Variants in KCNH6 observed in about 807,000 individuals in gnomAD.
The protein encoded by KCNH6 is voltage-gated inwardly rectifying potassium channel KCNH6.
Under a neutral mutation model 83.4 loss-of-function variants are expected in KCNH6, and 81 were observed. The observed-to-expected ratio is 0.97, with a 90% CI of 0.81 to 1.17. The LOEUF (loss-of-function observed/expected upper bound fraction) is 1.17, where lower values mean the gene tolerates loss of function less well. KCNH6 is among the 50% of genes most tolerant of loss of function. KCNH6 has a pLI of 0.00. For synonymous variants in KCNH6, 503 were observed against 545.6 expected (o/e 0.92, Z 1.09); for missense variants, 1,203 against 1,290.5 (o/e 0.93, Z 1.04).
chr17:63,535,602 A>G lies in KCNH6; in HGVS notation c.1102-67A>G, dbSNP rs2032427888. 24 of 1,463,036 alleles carry G rather than the reference A, an allele frequency of 1.6e-5. No homozygotes were observed. The highest frequency in any genetic ancestry group is 2.2e-5 in the Non-Finnish European group (24 of 1,082,610). The allele number at this position is 1,463,036 out of a possible 1,614,324, so 90.6% of individuals were successfully genotyped here. ...TGTGGTTGTATGCATGAGTGAACAA[A>G]AGCAGGCCTGACTGCACCCTTCCAA... On this transcript the variant is annotated intron_variant, in intron 5 of 12. Coordinates refer to ENST00000314672, the MANE Select transcript of KCNH6 (RefSeq NM_001278919.2). This position sits in a 1 kb window ranked among gnomAD's most constrained non-coding sequence, Gnocchi z 4.9.
At chr17:63,527,794 TG>T (rs2031816380) in intron 2 of KCNH6, among the ~76,000 whole-genome samples, 1 of 152,096 alleles carries the variant, frequency 6.6e-6, no homozygotes, top group South Asian at 2.1e-4. Context: ...AAGGACAACC[TG>T]GGGCAGGGGG....
In KCNH6 at chr17:63,530,241, T is replaced by A. The variant is rs143858835; in HGVS notation, c.458T>A (p.Phe153Tyr). 6.1e-5 allele frequency: 99 copies of A among 1,613,924 alleles called. No homozygotes were observed. The highest frequency in any genetic ancestry group is 5.6e-5 in the Non-Finnish European group (66 of 1,179,932). ...TCCCAGCGCCTGTTGTCCCAGAGCT[T>A]CCTGGGCTCCGGTGAGGCAGAGTGA... ...SLSQRLLSQS[F>Y]LGSEGSHGRP... Residue 153 changes from phenylalanine (F) to tyrosine (Y), a missense_variant, in exon 3 of 13, where the codon TTC becomes TAC. Transcript: ENST00000314672.
intron 10 of KCNH6, 125 bp from the exon 11 acceptor site, chr17:63,544,124 G>A (rs1347983391): frequency 6.2e-7 from 1 of 1,605,992 alleles, no homozygotes; most frequent in South Asian, 1.1e-5. Flanking sequence ...ACCCAGGTAA[G>A]GAGAGCCACT....
intron 2 of KCNH6, among the ~76,000 whole-genome samples, chr17:63,529,809 G>C (rs144511639): frequency 1.2e-3 from 189 of 152,314 alleles, no homozygotes; most frequent in African/African-American, 4.4e-3. Context: ...AGACCTCGAG[G>C]TTAAGCTCTG....
rs1268329878 is a variant in KCNH6 at position 63,535,419 on chromosome 17, C to CTGACCTGCTCCTGCAGACT, written c.1102-244_1102-243insGCTCCTGCAGACTTGACCT. Among the ~76,000 whole-genome samples, 1 of 152,238 alleles carries CTGACCTGCTCCTGCAGACT rather than the reference C, an allele frequency of 6.6e-6. No individual in the cohort carries two copies. Among genetic ancestry groups the CTGACCTGCTCCTGCAGACT allele is most frequent in the African/African-American group, 2.4e-5 (1 of 41,458 alleles). ...CGTCACCTCATCCATGAAGCCTCCCCTGACCTCCCCTTCCTCTGTTCTCCC... is the reference window on the plus strand; with the variant it reads ...CGTCACCTCATCCATGAAGCCTCCCCTGACCTGCTCCTGCAGACTTGACCTCCCCTTCCTCTGTTCTCCC... On this transcript the variant is annotated intron_variant, in intron 5 of 12. Coordinates refer to ENST00000314672, the MANE Select transcript of KCNH6 (RefSeq NM_001278919.2). The surrounding 1 kb of genome is among the most constrained non-coding windows in gnomAD (Gnocchi z 4.9).
At chr17:63,524,011 A>G (rs2147612437) in intron 1 of KCNH6, 128 bp from the exon 2 acceptor site, 2 of 730,240 alleles carry the variant, frequency 2.7e-6, no homozygotes, top group African/African-American at 3.4e-5. Context: ...TCCCTCCCTC[A>G]TTCCGGTCAC....
intron 9 of KCNH6, 58 bp from the exon 10 acceptor site, chr17:63,543,518 C>G (rs780147096): frequency 9.2e-7 from 1 of 1,087,366 alleles, no homozygotes; most frequent in African/African-American, 1.5e-5. Context: ...CAGGGAAGAA[C>G]AAAGAGGCCC....
rs144643773 is a variant in KCNH6 at position 63,524,667 on chromosome 17, C to A, written c.307+298C>A. On this transcript the variant is annotated intron_variant, in intron 2 of 12. Transcript: ENST00000314672. ...GGCTCTCCACTATCTTACTGTCAGC[C>A]CCAGCGGTCAGGCAGCTGGGATGGA... 1.0e-3 allele frequency among the ~76,000 whole-genome samples: 157 copies of A among 152,306 alleles called. 2 individuals are homozygous for A. The highest frequency in any genetic ancestry group is 3.7e-3 in the African/African-American group (152 of 41,576).
chr17:63,530,422 G>A lies in KCNH6; in HGVS notation c.555G>A (p.Thr185=), dbSNP rs1447837455. 17 of 1,614,232 alleles carry A rather than the reference G, an allele frequency of 1.1e-5. No homozygotes were observed. The East Asian group carries it at 2.7e-4, about 25-fold the overall frequency. Residue 185 remains threonine, a synonymous_variant, in exon 4 of 13, where the codon ACG becomes ACA. Transcript: ENST00000314672. ...CCATCAGCCAGATCCCACAGTTCAC[G>A]CTCAACTTCGTGGAGTTCAACTTGG... ...YRTISQIPQF[T]LNFVEFNLEK... is the part of the protein sequence containing the mutation.
intron 6 of KCNH6, among the ~76,000 whole-genome samples, chr17:63,536,757 C>G (rs936131043): frequency 2.0e-5 from 3 of 151,672 alleles, no homozygotes; most frequent in African/African-American, 7.3e-5. Flanking sequence ...GAGTTCAAGA[C>G]CAGCCTGACC....
At position 63,538,061 on chromosome 17, in the gene KCNH6, C is replaced by A; in HGVS notation, c.1502-4C>A. 2 of 1,612,706 alleles carry A rather than the reference C, an allele frequency of 1.2e-6. No individual in the cohort carries two copies. The highest frequency in any genetic ancestry group is 2.7e-5 in the African/African-American group (2 of 75,032). On this transcript the variant is annotated splice_region_variant and splice_polypyrimidine_tract_variant and intron_variant, in intron 6 of 12. Transcript: ENST00000314672. The surrounding 1 kb of genome is among the most constrained non-coding windows in gnomAD (Gnocchi z 4.0). ...GAGGAGCTCACTCTCCGCCCCGCCC[C>A]CAGCCCTGATGTACGCCAGCATCTT...
Position 63,530,092 on chromosome 17 carries a change from C to T in KCNH6, c.309C>T (p.Ala103=). ...CCATCCTCCCAATGGTGTTCGCAGC[C>T]TCCAGCTTCCGCTGCCTGGTAGATG... ...KVDILYYRKD[A]SSFRCLVDVV... is the part of the protein sequence containing the mutation. Residue 103 remains alanine (A), a splice_region_variant and synonymous_variant, in exon 3 of 13, where the codon GCC becomes GCT. Transcript: ENST00000314672. The T allele has an allele frequency of 2.5e-6, 4 of 1,613,106 alleles. No individual in the cohort carries two copies. The highest frequency in any genetic ancestry group is 3.4e-6 in the Non-Finnish European group (4 of 1,179,970).
chr17:63,543,927 G>A (rs1252896857), intron 10 of KCNH6: 3 of 746,858 alleles, frequency 4.0e-6, no homozygotes, highest in Non-Finnish European at 6.6e-6. Context: ...AGCCCCCTGA[G>A]GTTCCACACC....
At chr17:63,544,012 G>A in intron 10 of KCNH6, 1 of 1,520,184 alleles carries the variant, frequency 6.6e-7, no homozygotes, top group South Asian at 1.3e-5. Flanking sequence ...ACCCTGCCAG[G>A]GTCTCCCCAT....
In KCNH6 at chr17:63,544,386, G is replaced by C; in HGVS notation, c.2371G>C (p.Glu791Gln). The C allele has an allele frequency of 6.3e-7, 1 of 1,597,710 alleles. No homozygotes were observed. The highest frequency in any genetic ancestry group is 8.5e-7 in the Non-Finnish European group (1 of 1,172,640). The change falls in exon 11 of 13, where the codon GAG (glutamate) becomes CAG (glutamine). Residue 791 changes from glutamate (E) to glutamine (Q), a missense_variant. Coordinates refer to ENST00000314672, the MANE Select transcript of KCNH6 (RefSeq NM_001278919.2). ...CWPLKLGSRL[E>Q]QLQAQMNRLE... ...GCCTCTGAAGCTGGGCTCCAGGCTA[G>C]AGCAGCTCCAGGCCCAGATGAACAG...
rs1412413624 is a variant in KCNH6 at position 63,538,529 on chromosome 17, C to T, written c.1821C>T (p.Ala607=). 2 of 1,608,782 alleles carry T rather than the reference C, an allele frequency of 1.2e-6. No homozygotes were observed. Among genetic ancestry groups the T allele is most frequent in the Non-Finnish European group, 1.7e-6 (2 of 1,178,008 alleles). The change falls in exon 8 of 13, where the codon GCC becomes GCT. Residue 607 remains alanine (A), a synonymous_variant. Transcript: ENST00000314672. This position sits in a 1 kb window ranked among gnomAD's most constrained non-coding sequence, Gnocchi z 4.0. ...GAGKGCLRAL[A]VKFKTTHAPP... ...GCAAGGGCTGCCTGCGCGCGCTAGC[C>T]GTCAAGTTCAAGACCACCCACGCGC...
intron 9 of KCNH6, 88 bp downstream of exon 9, chr17:63,542,522 C>G: frequency 3.5e-6 from 4 of 1,130,558 alleles, no homozygotes; most frequent in Non-Finnish European, 5.2e-6. Flanking sequence ...AACACCCTTC[C>G]TTTCAACCCC....
downstream of KCNH6, among the ~76,000 whole-genome samples, chr17:63,547,241 A>T (rs191140651): frequency 6.2e-4 from 95 of 152,194 alleles, no homozygotes; most frequent in African/African-American, 2.2e-3. Context: ...AAATAAAAAT[A>T]AAAAAAGAGG....
At position 63,545,214 on chromosome 17, in the gene KCNH6, AC is replaced by A. The variant is rs1468053320; in HGVS notation, c.2534del (p.Thr845ArgfsTer65). ...DLALVPIASE[T>X]TSPGPRLPQG... The stretch of plus-strand genomic sequence containing the variant: ...GGCCTTGGTTCCTATAGCCTCGGAG[AC>A]GACGAGTCCAGGGCCCAGGCTGCCC... On this transcript the variant is annotated frameshift_variant, in exon 12 of 13. Coordinates refer to ENST00000314672, the MANE Select transcript of KCNH6 (RefSeq NM_001278919.2). LOFTEE classifies it low-confidence loss of function (END_TRUNC). 1 of 1,613,660 alleles carries A rather than the reference AC, an allele frequency of 6.2e-7. No homozygotes were observed. The highest frequency in any genetic ancestry group is 2.2e-5 in the East Asian group (1 of 44,874).
Sources: gnomAD v4.1 joint callset for allele counts (sites outside exome capture counted in the v4.1 genomes callset) on GRCh38, gnomAD v4.1.1 for gene constraint, Gnocchi (gnomAD v3.1) non-coding constraint, MANE v1.5 for transcripts, NCBI Gene and HGNC (gene_info 2026-07-23, HGNC 2026-07-21) for gene names.